ALDH1L2: variants seen among roughly 807,000 people sequenced by gnomAD.
ALDH1L2 encodes the protein mitochondrial 10-formyltetrahydrofolate dehydrogenase.
ALDH1L2 carries 91 observed loss-of-function variants against 111.0 expected under a neutral mutation model. That is an observed-to-expected ratio of 0.82 (90% confidence interval 0.69 to 0.98). The LOEUF is 0.98. ALDH1L2 is among the 50% of genes least tolerant of loss of function. The pLI, the probability that ALDH1L2 is intolerant of heterozygous loss-of-function variation, is 0.00. For synonymous variants in ALDH1L2, 374 were observed against 392.6 expected, an observed-to-expected ratio of 0.95 and a Z score of 0.56; for missense variants, 995 against 1,126.8, an observed-to-expected ratio of 0.88 and a Z score of 1.67.
intron 11 of ALDH1L2, 71 bp downstream of exon 11, chr12:105,052,741 C>T: frequency 1.9e-6 from 3 of 1,584,788 alleles, no homozygotes; most frequent in Non-Finnish European, 2.6e-6. Flanking sequence ...TTAAGACTGC[C>T]TCTTTTACAA....
chr12:105,030,178 G>A (rs955775498), intron 21 of ALDH1L2, 146 bp downstream of exon 21: 17 of 526,512 alleles, frequency 3.2e-5, no homozygotes, highest in Non-Finnish European at 4.2e-5. Flanking sequence ...TAGCAAAAGC[G>A]TAACTTCTAA....
chr12:105,050,106 C>G lies in ALDH1L2; in HGVS notation c.1536-48G>C, dbSNP rs756572927. The G allele has an allele frequency of 4.0e-6, 6 of 1,495,372 alleles. No homozygotes were observed. In the Admixed American group the frequency reaches 6.7e-5, roughly 17 times the overall value. The allele number at this position is 1,495,372 out of a possible 1,614,324, so 92.6% of individuals were successfully genotyped here. A position where few individuals can be genotyped will look rare whatever the true frequency, so the allele number is the denominator to read the frequency against. On this transcript the variant is annotated intron_variant, in intron 12 of 22. Coordinates refer to ENST00000258494, the MANE Select transcript of ALDH1L2 (RefSeq NM_001034173.4). ...AAATTCAACAAGTATTGATTGAGCT[C>G]CTGTCACATATAATGCAGTATCCTA...
At chr12:105,027,999 T>A (rs1445900339) in intron 21 of ALDH1L2, among the ~76,000 whole-genome samples, 2 of 152,164 alleles carry the variant, frequency 1.3e-5, no homozygotes, top group African/African-American at 2.4e-5. Flanking sequence ...CTCAGTTGAG[T>A]CGAGTTCTAA....
chr12:105,052,299 A>C (rs957502365), intron 11 of ALDH1L2, 82 bp from the exon 12 acceptor site: 144 of 1,355,914 alleles, frequency 1.1e-4, no homozygotes, highest in Non-Finnish European at 1.3e-4. Flanking sequence ...TAATAGAAAA[A>C]ATAGAGTATT....
At chr12:105,065,928 G>GT (rs942761888) in intron 5 of ALDH1L2, among the ~76,000 whole-genome samples, 21 of 152,246 alleles carry the variant, frequency 1.4e-4, no homozygotes, top group South Asian at 4.1e-4. Flanking sequence ...GCATCTGTGT[G>GT]TTTTTTTGGA....
chr12:105,049,567 G>A (rs1876125957), intron 13 of ALDH1L2: 1 of 160,620 alleles, frequency 6.2e-6, no homozygotes, highest in East Asian at 1.8e-4. Flanking sequence ...GGGCTTGCAG[G>A]AGTGGATTCA....
intron 15 of ALDH1L2, among the ~76,000 whole-genome samples, chr12:105,046,227 T>A (rs1311379369): frequency 3.7e-3 from 313 of 85,124 alleles, no homozygotes; most frequent in East Asian, 0.011. Context: ...ATATATTTTT[T>A]TTTTTTTTTT....
chr12:105,084,026 A>G (rs1878461427), intron 1 of ALDH1L2, among the ~76,000 whole-genome samples: 1 of 152,010 alleles, frequency 6.6e-6, no homozygotes, highest in Admixed American at 6.6e-5. Flanking sequence ...CCAGCTCTTG[A>G]CCAGGGATCT....
rs1185807251 is a variant in ALDH1L2, at chr12:105,026,747, G to T, written c.2517-3C>A. On this transcript the variant is annotated splice_region_variant and splice_polypyrimidine_tract_variant and intron_variant, in intron 21 of 22. Coordinates refer to ENST00000258494, the MANE Select transcript of ALDH1L2 (RefSeq NM_001034173.4). ...GCTGCAACACTCCATCGATGTCCCT[G>T]TGTTTTTAGGAAGACATAAAACTTC... 1.2e-6 allele frequency: 2 copies of T among 1,613,204 alleles called. No individual in the cohort carries two copies. The highest frequency in any genetic ancestry group is 4.5e-5 in the East Asian group (2 of 44,882).
Position 105,030,690 on chromosome 12 carries a change from A to G in ALDH1L2, c.2411-261T>C, listed in dbSNP as rs76019061. On this transcript the variant is annotated intron_variant, in intron 20 of 22. Transcript: ENST00000258494. Reference sequence around the variant, plus strand: ...TAAATATCCATATTTTGCTGTATTTATCTTTTCCTCATTGAAATATTTTAA... The same window carrying G: ...TAAATATCCATATTTTGCTGTATTTGTCTTTTCCTCATTGAAATATTTTAA... Among the ~76,000 whole-genome samples the G allele has an allele frequency of 3.5e-4, 53 of 152,326 alleles. 1 individual carries two copies. The East Asian group carries it at 9.4e-3, about 27-fold the overall frequency.
intron 10 of ALDH1L2, among the ~76,000 whole-genome samples, chr12:105,054,312 C>T (rs557604340): frequency 6.6e-6 from 1 of 152,232 alleles, no homozygotes; most frequent in South Asian, 2.1e-4. Flanking sequence ...AAAGTAAGGA[C>T]CTCTGAAAAT....
In ALDH1L2 at chr12:105,046,821, G is replaced by A. The variant is rs1396166712; in HGVS notation, c.1758-6C>T. 11 of 1,613,716 alleles carry A rather than the reference G, an allele frequency of 6.8e-6. No individual in the cohort carries two copies. The highest frequency in any genetic ancestry group is 9.3e-6 in the Non-Finnish European group (11 of 1,179,810). ...GAATAATAATGGCACAGACACTGCA[G>A]GGGAAGAAATTCGACATGCTTAGTT... On this transcript the variant is annotated splice_polypyrimidine_tract_variant and splice_region_variant and intron_variant, in intron 14 of 22. Transcript: ENST00000258494.
chr12:105,038,314 A>G lies in ALDH1L2; in HGVS notation c.2046-112T>C, dbSNP rs920549109. 4 of 607,876 alleles carry G rather than the reference A, an allele frequency of 6.6e-6. No homozygotes were observed. In the East Asian group the frequency reaches 1.4e-4, roughly 21 times the overall value. The allele number at this position is 607,876 out of a possible 1,614,324, so 37.7% of individuals were successfully genotyped here. ...CACACACACACACACACACACACACACACACACACTTTTTAAGCTATAAGT... is the reference window on the plus strand; with the variant it reads ...CACACACACACACACACACACACACGCACACACACTTTTTAAGCTATAAGT... On this transcript the variant is annotated intron_variant, in intron 17 of 22. Coordinates refer to ENST00000258494, the MANE Select transcript of ALDH1L2 (RefSeq NM_001034173.4).
intron 18 of ALDH1L2, among the ~76,000 whole-genome samples, chr12:105,035,125 T>C (rs1190185518): frequency 1.3e-5 from 2 of 152,174 alleles, no homozygotes; most frequent in Non-Finnish European, 2.9e-5. Flanking sequence ...ATTTTTTCTA[T>C]TTTTATTTAT....
intron 1 of ALDH1L2, among the ~76,000 whole-genome samples, chr12:105,082,718 T>A (rs572261489): frequency 7.9e-5 from 12 of 152,354 alleles, no homozygotes; most frequent in Middle Eastern, 3.4e-3. Flanking sequence ...AGTAAATACC[T>A]AGGAGTGTGA....
chr12:105,059,504 T>C (rs1156587040), intron 9 of ALDH1L2, among the ~76,000 whole-genome samples: 2 of 152,260 alleles, frequency 1.3e-5, no homozygotes, highest in East Asian at 3.9e-4. Context: ...ATAATCATCA[T>C]AATGTAGTAT....
chr12:105,040,472 C>T, intron 16 of ALDH1L2, 135 bp downstream of exon 16: 1 of 848,822 alleles, frequency 1.2e-6, no homozygotes, highest in Non-Finnish European at 2.0e-6. Context: ...GTATATTCAT[C>T]CTTAACTGTT....
chr12:105,078,126 C>G (rs1878160469), intron 1 of ALDH1L2, among the ~76,000 whole-genome samples: 1 of 152,058 alleles, frequency 6.6e-6, no homozygotes, highest in Non-Finnish European at 1.5e-5. Context: ...TTTATTTGGC[C>G]CACAAAGCAT....
rs373348266 is a variant in ALDH1L2, at chr12:105,038,171, G to A, written c.2077C>T (p.Leu693Phe). 2.1e-5 allele frequency: 34 copies of A among 1,612,104 alleles called. No individual in the cohort carries two copies. In the African/African-American group the frequency reaches 3.2e-4, roughly 15 times the overall value. Residue 693 changes from leucine to phenylalanine, a missense_variant, in exon 18 of 23, where the codon CTT becomes TTT. Leu to Phe is a conservative substitution (Grantham distance 22). Transcript: ENST00000258494. ...AGTGGAGACTTGCCACCAAGCTCAA[G>A]GGAAACTTTCTTCAAGTTGCTAACA... ...CAVSNLKKVS[L>F]ELGGKSPLII...
Sources: gnomAD v4.1 joint callset for allele counts (sites outside exome capture counted in the v4.1 genomes callset) on GRCh38, gnomAD v4.1.1 for gene constraint, MANE v1.5 for transcripts, NCBI Gene and HGNC (gene_info 2026-07-23, HGNC 2026-07-21) for gene names.